Variants in RABGAP1L observed in about 807,000 individuals in gnomAD.
RABGAP1L encodes rab GTPase-activating protein 1-like.
Under a neutral mutation model 137.7 loss-of-function variants are expected in RABGAP1L, and 63 were observed. The observed-to-expected ratio is 0.46, with a 90% CI of 0.37 to 0.56. RABGAP1L has a LOEUF of 0.56. Ranked by LOEUF, RABGAP1L falls within the 20% of genes least tolerant of loss-of-function variation. The pLI is 0.00. For synonymous variants in RABGAP1L, 431 were observed against 433.7 expected, an observed-to-expected ratio of 0.99 and a Z score of 0.08; for missense variants, 1,095 against 1,244.0, an observed-to-expected ratio of 0.88 and a Z score of 1.80.
intron 18 of RABGAP1L, among the ~76,000 whole-genome samples, chr1:174,759,160 C>A (rs1347249163): frequency 6.6e-6 from 1 of 151,736 alleles, no homozygotes; most frequent in Non-Finnish European, 1.5e-5. Context: ...CCAGGAAAGA[C>A]CCTGCTTTCA....
At chr1:174,463,047 CTT>C (rs1181757171) in intron 13 of RABGAP1L, among the ~76,000 whole-genome samples, 3 of 152,158 alleles carry the variant, frequency 2.0e-5, no homozygotes, top group African/African-American at 7.2e-5. Context: ...AACAGGAACA[CTT>C]TTACACTGTT....
chr1:174,931,329 C>CCTAGTT (rs1202478213), intron 19 of RABGAP1L, among the ~76,000 whole-genome samples: 2 of 152,158 alleles, frequency 1.3e-5, no homozygotes, highest in Non-Finnish European at 2.9e-5. Context: ...TAGTTCTAAG[C>CCTAGTT]CTAGCTTTGA....
chr1:174,568,849 C>T (rs186392704), intron 13 of RABGAP1L, among the ~76,000 whole-genome samples: 1 of 151,716 alleles, frequency 6.6e-6, no homozygotes, highest in East Asian at 1.9e-4. Flanking sequence ...AATAGATAAA[C>T]AAAAGGGAAC....
intron 10 of RABGAP1L, among the ~76,000 whole-genome samples, chr1:174,287,957 G>C (rs912789137): frequency 6.6e-6 from 1 of 151,842 alleles, no homozygotes; most frequent in Non-Finnish European, 1.5e-5. Context: ...GTGATGGCAG[G>C]CTTTTATTTC....
At chr1:174,929,848 ATTTTT>A (rs58140970) in intron 19 of RABGAP1L, among the ~76,000 whole-genome samples, 4 of 124,718 alleles carry the variant, frequency 3.2e-5, no homozygotes, top group Non-Finnish European at 3.3e-5. Flanking sequence ...GCAAAATTTA[ATTTTT>A]TTTTTTTTTT....
At chr1:174,530,865 G>T (rs1424630362) in intron 13 of RABGAP1L, among the ~76,000 whole-genome samples, 2 of 151,632 alleles carry the variant, frequency 1.3e-5, no homozygotes, top group African/African-American at 2.4e-5. Flanking sequence ...AACATGCAGG[G>T]TATTAAAATC....
intron 13 of RABGAP1L, among the ~76,000 whole-genome samples, chr1:174,626,622 G>A (rs927146608): frequency 6.6e-6 from 1 of 152,040 alleles, no homozygotes; most frequent in African/African-American, 2.4e-5. Context: ...TTTTATTGAG[G>A]TTTTTTCCTT....
intron 18 of RABGAP1L, among the ~76,000 whole-genome samples, chr1:174,791,071 A>G (rs951862875): frequency 4.0e-5 from 6 of 151,834 alleles, no homozygotes; most frequent in Admixed American, 2.0e-4. Context: ...CGTGCCTGTA[A>G]TCTCAGCTAC....
intron 9 of RABGAP1L, among the ~76,000 whole-genome samples, chr1:174,277,551 CA>C (rs1251073979): frequency 4.0e-5 from 6 of 151,146 alleles, no homozygotes; most frequent in Non-Finnish European, 4.4e-5. Context: ...TATTCTGATT[CA>C]AAGTATACAT....
At chr1:174,413,633 C>A (rs1650198042) in intron 13 of RABGAP1L, among the ~76,000 whole-genome samples, 1 of 152,028 alleles carries the variant, frequency 6.6e-6, no homozygotes, top group Non-Finnish European at 1.5e-5. Flanking sequence ...TTCTTCATTT[C>A]CCTATAGTGT....
intron 10 of RABGAP1L, among the ~76,000 whole-genome samples, chr1:174,283,384 G>A (rs939415218): frequency 1.3e-5 from 2 of 152,022 alleles, no homozygotes; most frequent in East Asian, 3.9e-4. Context: ...TCCAGCCTGG[G>A]CCACAGAGTG....
chr1:174,230,774 CAT>C (rs1670579562), intron 3 of RABGAP1L, among the ~76,000 whole-genome samples: 1 of 152,144 alleles, frequency 6.6e-6, no homozygotes, highest in African/African-American at 2.4e-5. Flanking sequence ...TTTGCTTTGG[CAT>C]AGTCAGTTTG....
chr1:174,829,853 T>G (rs1691921966), intron 19 of RABGAP1L, among the ~76,000 whole-genome samples: 1 of 148,656 alleles, frequency 6.7e-6, no homozygotes, highest in African/African-American at 2.5e-5. Context: ...CCATTTATTT[T>G]CTTCATAAAT....
intron 13 of RABGAP1L, among the ~76,000 whole-genome samples, chr1:174,550,900 A>G (rs1666405508): frequency 1.7e-5 from 1 of 58,496 alleles, no homozygotes; most frequent in African/African-American, 1.3e-4. Flanking sequence ...ATATATACAC[A>G]CACACATATA....
intron 13 of RABGAP1L, among the ~76,000 whole-genome samples, chr1:174,571,949 T>A (rs1251255150): frequency 6.6e-6 from 1 of 152,220 alleles, no homozygotes; most frequent in Non-Finnish European, 1.5e-5. Context: ...CCTAAATCTT[T>A]CTTTAGGAAC....
chr1:174,393,844 C>A (rs1205268114), intron 12 of RABGAP1L, 151 bp from the exon 13 acceptor site: 4 of 678,912 alleles, frequency 5.9e-6, no homozygotes, highest in Non-Finnish European at 9.3e-6. Flanking sequence ...TATAACTGAG[C>A]TTAAGCAGTA....
chr1:174,967,167 CTTTT>C (rs538764662), intron 20 of RABGAP1L, among the ~76,000 whole-genome samples: 1 of 139,738 alleles, frequency 7.2e-6, no homozygotes, highest in African/African-American at 2.6e-5. Context: ...TTCTTTCTTT[CTTTT>C]TTTTTTTTTT....
At chr1:174,278,297 T>C (rs548275364) in intron 9 of RABGAP1L, among the ~76,000 whole-genome samples, 1 of 152,164 alleles carries the variant, frequency 6.6e-6, no homozygotes, top group South Asian at 2.1e-4. Flanking sequence ...TCCCAGCTAC[T>C]TGGGAGGCTG....
intron 19 of RABGAP1L, among the ~76,000 whole-genome samples, chr1:174,898,376 G>A (rs1657585026): frequency 6.6e-6 from 1 of 152,092 alleles, no homozygotes; most frequent in Admixed American, 6.6e-5. Flanking sequence ...CAAATGCATG[G>A]CGTTTGTGCT....
Sources: allele counts gnomAD v4.1 joint callset (sites outside exome capture counted in the v4.1 genomes callset), GRCh38; gene constraint gnomAD v4.1.1; transcripts MANE v1.5; gene names NCBI Gene and HGNC (gene_info 2026-07-23, HGNC 2026-07-21).